The following HMCN2 variants were observed in gnomAD, a reference collection of about 807,000 sequenced individuals.
HMCN2 encodes the protein hemicentin 2.
HMCN2 carries 325 observed loss-of-function variants against 377.5 expected under a neutral mutation model. That is an observed-to-expected ratio of 0.86 (90% confidence interval 0.79 to 0.94). The LOEUF is 0.94. Among genes scored for constraint, HMCN2 ranks in the 40% least tolerant of loss-of-function variants. The pLI is 0.00. For synonymous variants in HMCN2, 2,007 were observed against 2,046.8 expected (o/e 0.98, Z 0.53); for missense variants, 4,543 against 4,725.3 (o/e 0.96, Z 1.13).
Position 130,351,465 on chromosome 9 carries a change from T to C in HMCN2, c.4473T>C (p.Asp1491=). 1 of 1,304,256 alleles carries C rather than the reference T, an allele frequency of 7.7e-7. No individual in the cohort carries two copies. Among genetic ancestry groups the C allele is most frequent in the Non-Finnish European group, 1.0e-6 (1 of 988,934 alleles). 80.8% of individuals were successfully genotyped at this position (1,304,256 alleles called of 1,614,324 possible). The change falls in exon 30 of 98, where the codon GAT becomes GAC. Residue 1491 remains aspartate (D), a synonymous_variant. Coordinates refer to ENST00000683500, the MANE Select transcript of HMCN2 (RefSeq NM_001291815.2). This position sits in a 1 kb window ranked among gnomAD's most constrained non-coding sequence, Gnocchi z 5.4. ...PGGPHLQVQE[D]GQVLRITGSH... ...GCCCTCACCTGCAGGTCCAGGAGGA[T>C]GGCCAGGTTCTCAGGATCACCGGCA...
chr9:130,344,233 G>A (rs1038243072), intron 25 of HMCN2, among the ~76,000 whole-genome samples: 4 of 152,200 alleles, frequency 2.6e-5, no homozygotes, highest in African/African-American at 9.7e-5. Context: ...AGCTGAGGAA[G>A]ATGAGAGGGG....
chr9:130,412,031 G>A (rs4431637), intron 85 of HMCN2, among the ~76,000 whole-genome samples: 89,120 of 151,786 alleles, frequency 0.59, 27,132 homozygotes, highest in East Asian at 0.82. Flanking sequence ...GAGTGCAGTG[G>A]TGCCATCTCT....
intron 5 of HMCN2, among the ~76,000 whole-genome samples, 165 bp from the exon 6 acceptor site, chr9:130,295,501 G>A (rs1376964372): frequency 6.6e-6 from 1 of 152,080 alleles, no homozygotes; most frequent in Non-Finnish European, 1.5e-5. Flanking sequence ...ATCCCTGAGG[G>A]TGGAGCGTGG....
chr9:130,391,761 AAG>A (rs926366490), intron 65 of HMCN2, among the ~76,000 whole-genome samples, 172 bp from the exon 66 acceptor site: 73 of 152,110 alleles, frequency 4.8e-4, no homozygotes, highest in Non-Finnish European at 1.6e-4. Flanking sequence ...GGGAGGTGAG[AAG>A]AGAGTCAGGG....
In HMCN2 at chr9:130,313,600, A is replaced by AGCC. The variant is rs1554939698; in HGVS notation, c.2350+3539_2350+3540insGCC. ...CGTGGAATAAATAATGCATGTGGGC[A>AGCC]CCCCCCCCCATAAACCTGTGTCCAG... On this transcript the variant is annotated intron_variant, in intron 15 of 97. Coordinates refer to ENST00000683500, the MANE Select transcript of HMCN2 (RefSeq NM_001291815.2). Among the ~76,000 whole-genome samples, 12 of 148,444 alleles carry AGCC rather than the reference A, an allele frequency of 8.1e-5. 1 individual carries two copies. The South Asian group carries it at 1.1e-3, about 13-fold the overall frequency.
intron 4 of HMCN2, among the ~76,000 whole-genome samples, chr9:130,293,279 G>GTTTTTTTTTGTTTTT (rs1835902820): frequency 1.8e-5 from 1 of 57,126 alleles, no homozygotes; most frequent in South Asian, 8.3e-4. Flanking sequence ...ACTCACTAAA[G>GTTTTTTTTTGTTTTT]TTTTTTTTTT....
intron 26 of HMCN2, 28 bp from the exon 27 acceptor site, chr9:130,348,517 C>G (rs1564802131): frequency 1.5e-6 from 2 of 1,301,136 alleles, no homozygotes; most frequent in South Asian, 2.5e-5. Context: ...GGCAGGGAAG[C>G]AGCTCCTCGG....
At chr9:130,339,290 A>T (rs1838926129) in intron 23 of HMCN2, among the ~76,000 whole-genome samples, 1 of 152,190 alleles carries the variant, frequency 6.6e-6, no homozygotes, top group Admixed American at 6.5e-5. Flanking sequence ...TTACCCTCTG[A>T]CGGCAGAGGT....
At chr9:130,402,987 G>A in intron 78 of HMCN2, 91 bp downstream of exon 78, 1 of 1,078,374 alleles carries the variant, frequency 9.3e-7, no homozygotes, top group Non-Finnish European at 1.2e-6. Flanking sequence ...TGGAGGTGAG[G>A]CCCCGGGTCT....
At chr9:130,316,261 G>A (rs1302827648) in intron 15 of HMCN2, among the ~76,000 whole-genome samples, 1 of 152,148 alleles carries the variant, frequency 6.6e-6, no homozygotes, top group Non-Finnish European at 1.5e-5. Context: ...GTGGTGCTGA[G>A]CCGGGAGGCA....
chr9:130,372,260 G>A (rs1841063467), intron 46 of HMCN2, 34 bp from the exon 47 acceptor site: 1 of 874,890 alleles, frequency 1.1e-6, no homozygotes. Flanking sequence ...GCTGCTCAGA[G>A]CCATGCTTGG....
At chr9:130,381,678 CT>C (rs1231625203) in intron 54 of HMCN2, among the ~76,000 whole-genome samples, 1 of 152,166 alleles carries the variant, frequency 6.6e-6, no homozygotes, top group Non-Finnish European at 1.5e-5. Context: ...TGCCTGGCCC[CT>C]GGCTGGCTTT....
At chr9:130,317,236 G>T (rs985988668) in intron 15 of HMCN2, among the ~76,000 whole-genome samples, 4 of 152,136 alleles carry the variant, frequency 2.6e-5, no homozygotes, top group African/African-American at 9.7e-5. Context: ...CCTTGGGCAG[G>T]TTCCTTCATC....
At chr9:130,401,412 C>G (rs1056488930) in intron 77 of HMCN2, among the ~76,000 whole-genome samples, 3 of 152,186 alleles carry the variant, frequency 2.0e-5, no homozygotes, top group Non-Finnish European at 2.9e-5. Context: ...CAGCCTCCAC[C>G]TCCCAGGTTC....
chr9:130,391,797 G>A lies in HMCN2; in HGVS notation c.9953-138G>A, dbSNP rs979874545. Reference sequence around the variant, plus strand: ...GGAGTGGCTGTGTCCCCCATGCAGCGGGCCTCATCCTTCACAAGGGACCAC... The same window carrying A: ...GGAGTGGCTGTGTCCCCCATGCAGCAGGCCTCATCCTTCACAAGGGACCAC... On this transcript the variant is annotated intron_variant, in intron 65 of 97. Coordinates refer to ENST00000683500, the MANE Select transcript of HMCN2 (RefSeq NM_001291815.2). The A allele has an allele frequency of 3.6e-5, 19 of 527,998 alleles. No homozygotes were observed. In the South Asian group the frequency reaches 4.1e-4, roughly 11 times the overall value. 32.7% of individuals were successfully genotyped at this position (527,998 alleles called of 1,614,324 possible). A position where few individuals can be genotyped will look rare whatever the true frequency, so the allele number is the denominator to read the frequency against.
Position 130,432,555 on chromosome 9 carries a change from G to C in HMCN2, c.14894G>C (p.Gly4965Ala). The C allele has an allele frequency of 1.3e-6, 2 of 1,550,140 alleles. No individual in the cohort carries two copies. The highest frequency in any genetic ancestry group is 1.7e-6 in the Non-Finnish European group (2 of 1,146,778). Residue 4965 changes from glycine (G) to alanine (A), a missense_variant and splice_region_variant, in exon 97 of 98, where the codon GGG becomes GCG. This residue lies in a region of HMCN2 where 1,155 missense variants were observed against 1,157.7 expected (regional missense o/e 1.00). Transcript: ENST00000683500. Reference sequence around the variant, plus strand: ...ACCTACCGGCAGGGCCCCAGCCCTGGGTAAGGGCTGAGTTGGCAGGGCCTC... The same window carrying C: ...ACCTACCGGCAGGGCCCCAGCCCTGCGTAAGGGCTGAGTTGGCAGGGCCTC... ...PATYRQGPSPGTCFRRCSQDC... is the reference protein window; with the variant it reads ...PATYRQGPSPATCFRRCSQDC...
chr9:130,408,435 G>A (rs537012055), intron 83 of HMCN2, among the ~76,000 whole-genome samples: 15 of 152,252 alleles, frequency 9.9e-5, no homozygotes, highest in Admixed American at 2.0e-4. Context: ...TATATGACAC[G>A]CGTAACACTG....
intron 1 of HMCN2, among the ~76,000 whole-genome samples, chr9:130,280,343 T>G (rs1554925242): frequency 6.6e-6 from 1 of 151,046 alleles, no homozygotes; most frequent in Non-Finnish European, 1.5e-5. Flanking sequence ...TTTTTTTTTT[T>G]TGTATTTTTT....
At chr9:130,316,462 C>T (rs1837566704) in intron 15 of HMCN2, among the ~76,000 whole-genome samples, 2 of 152,026 alleles carry the variant, frequency 1.3e-5, no homozygotes, top group South Asian at 2.1e-4. Context: ...CCCCTGCAGG[C>T]GGCAGCCCCT....
Sources: allele counts gnomAD v4.1 joint callset (sites outside exome capture counted in the v4.1 genomes callset), GRCh38; gene constraint gnomAD v4.1.1; regional missense constraint gnomAD v4.1.1; non-coding constraint Gnocchi (gnomAD v3.1); transcripts MANE v1.5; gene names NCBI Gene and HGNC (gene_info 2026-07-23, HGNC 2026-07-21).